RANBP17: variants seen among roughly 807,000 people sequenced by gnomAD.
RANBP17 encodes the protein RAN binding protein 17, also known as ran-binding protein 17.
Under a neutral mutation model 141.2 loss-of-function variants are expected in RANBP17, and 158 were observed. That is an observed-to-expected ratio of 1.12 (90% CI 0.98 to 1.28). The LOEUF (loss-of-function observed/expected upper bound fraction) is 1.28. Among genes scored for constraint, RANBP17 ranks in the 50% most tolerant of loss-of-function variants. The pLI, the probability that RANBP17 is intolerant of heterozygous loss-of-function variation, is 0.00. For synonymous variants in RANBP17, 430 were observed against 450.0 expected (o/e 0.96, Z 0.56); for missense variants, 1,438 against 1,290.7 (o/e 1.11, Z -1.75).
chr5:171,249,320 A>G (rs1325275286), intron 24 of RANBP17, among the ~76,000 whole-genome samples: 2 of 152,216 alleles, frequency 1.3e-5, no homozygotes, highest in Non-Finnish European at 1.5e-5. Context: ...AGAAAAAGTG[A>G]CTGTTAAACT....
chr5:171,241,190 C>T, intron 23 of RANBP17, 48 bp downstream of exon 23: 15 of 1,377,386 alleles, frequency 1.1e-5, no homozygotes, highest in Non-Finnish European at 1.5e-5. Context: ...TGTGAAGTAA[C>T]ACCACCACAG....
intron 14 of RANBP17, among the ~76,000 whole-genome samples, chr5:171,095,187 A>G (rs991690899): frequency 3.3e-5 from 5 of 152,304 alleles, no homozygotes; most frequent in African/African-American, 1.2e-4. Flanking sequence ...ACTTGTGATG[A>G]TTTGATTTAA....
At chr5:170,899,620 G>C (rs1770449577) in intron 5 of RANBP17, among the ~76,000 whole-genome samples, 1 of 152,164 alleles carries the variant, frequency 6.6e-6, no homozygotes. Flanking sequence ...AATGCTTCCA[G>C]CTTTTGCCCA....
At chr5:171,053,610 A>G (rs1000014554) in intron 14 of RANBP17, among the ~76,000 whole-genome samples, 1 of 151,978 alleles carries the variant, frequency 6.6e-6, no homozygotes, top group Admixed American at 6.6e-5. Flanking sequence ...TAGCTGTAGT[A>G]GATTTTTTGT....
intron 20 of RANBP17, 113 bp from the exon 21 acceptor site, chr5:171,213,518 A>G (rs1191421484): frequency 1.3e-6 from 1 of 744,066 alleles, no homozygotes; most frequent in Non-Finnish European, 2.3e-6. Flanking sequence ...ACAAATTAGT[A>G]TAAATATAGA....
intron 14 of RANBP17, among the ~76,000 whole-genome samples, chr5:170,983,560 A>C (rs562015785): frequency 2.6e-5 from 4 of 152,186 alleles, no homozygotes; most frequent in Admixed American, 2.6e-4. Context: ...CTGCCTGTTT[A>C]TTTAGAAGAA....
chr5:170,964,518 G>C (rs891870610), intron 13 of RANBP17, among the ~76,000 whole-genome samples: 6 of 151,720 alleles, frequency 4.0e-5, no homozygotes, highest in African/African-American at 1.5e-4. Context: ...TTTAGCATTA[G>C]GTGTATCTCC....
chr5:171,018,393 G>A (rs1780603179), intron 14 of RANBP17, among the ~76,000 whole-genome samples: 2 of 152,162 alleles, frequency 1.3e-5, no homozygotes, highest in Admixed American at 1.3e-4. Context: ...CCGTGAGGAT[G>A]GAATGTTTTT....
At chr5:171,284,171 C>T (rs997565647) in intron 25 of RANBP17, among the ~76,000 whole-genome samples, 3 of 152,140 alleles carry the variant, frequency 2.0e-5, no homozygotes, top group Admixed American at 6.5e-5. Flanking sequence ...TGCATATGCA[C>T]GCTGCTTAGG....
chr5:170,930,942 G>A (rs1042886770), intron 12 of RANBP17, among the ~76,000 whole-genome samples: 8 of 152,210 alleles, frequency 5.3e-5, no homozygotes, highest in Middle Eastern at 3.4e-3. Flanking sequence ...GGGATGACTG[G>A]GTCAAATGTT....
chr5:171,143,414 G>A (rs1219259081), intron 14 of RANBP17: 1 of 152,184 alleles, frequency 6.6e-6, no homozygotes, highest in Non-Finnish European at 1.5e-5. Context: ...GTGAAACAGA[G>A]CACTTTAAAG....
At chr5:170,963,582 G>A (rs1261529022) in intron 13 of RANBP17, among the ~76,000 whole-genome samples, 1 of 152,180 alleles carries the variant, frequency 6.6e-6, no homozygotes, top group Non-Finnish European at 1.5e-5. Context: ...TTCCACCTCA[G>A]ATCACCAGGC....
chr5:170,926,770 T>C (rs1387805915), intron 12 of RANBP17, among the ~76,000 whole-genome samples: 1 of 152,102 alleles, frequency 6.6e-6, no homozygotes, highest in East Asian at 1.9e-4. Flanking sequence ...CTCTAGCAAG[T>C]AGTTATTCTT....
intron 14 of RANBP17, among the ~76,000 whole-genome samples, chr5:171,132,372 T>C (rs1012351242): frequency 3.3e-5 from 5 of 150,618 alleles, no homozygotes; most frequent in Middle Eastern, 3.4e-3. Flanking sequence ...TTTCTGACTT[T>C]AGTTGTTTTT....
intron 18 of RANBP17, among the ~76,000 whole-genome samples, chr5:171,186,558 A>C (rs1397298576): frequency 6.6e-5 from 1 of 15,266 alleles, no homozygotes; most frequent in East Asian, 5.6e-3. Context: ...TTTTTTTGAG[A>C]CGGAGTCTCG....
intron 1 of RANBP17, among the ~76,000 whole-genome samples, chr5:170,871,410 A>C (rs1767716758): frequency 6.6e-6 from 1 of 152,104 alleles, no homozygotes; most frequent in Non-Finnish European, 1.5e-5. Context: ...GGTTCTATGT[A>C]AATTCTGGAT....
chr5:171,205,946 G>A lies in RANBP17; in HGVS notation c.2231+334G>A, dbSNP rs531075080. 1.3e-5 allele frequency: 5 copies of A among 389,576 alleles called. No homozygotes were observed. In the East Asian group the frequency reaches 3.1e-4, roughly 24 times the overall value. 24.1% of individuals were successfully genotyped at this position (389,576 alleles called of 1,614,324 possible). On this transcript the variant is annotated intron_variant, in intron 20 of 27. Coordinates refer to ENST00000523189, the MANE Select transcript of RANBP17 (RefSeq NM_022897.5). ...AATCCTACCATTTGACATTTTTGAG[G>A]GGAGATTTGAATCTCCATCTCAATT...
chr5:170,904,180 CCAG>C, intron 5 of RANBP17: 1 of 313,466 alleles, frequency 3.2e-6, no homozygotes, highest in East Asian at 7.8e-5. Flanking sequence ...GAAGGCTAGA[CCAG>C]CCTGTCCCTC....
At chr5:170,916,709 C>T in intron 9 of RANBP17, 125 bp downstream of exon 9, 1 of 497,646 alleles carries the variant, frequency 2.0e-6, no homozygotes, top group Non-Finnish European at 3.2e-6. Context: ...TATATATCTT[C>T]CTTAGAGCTT....
Sources: gnomAD v4.1 joint callset for allele counts (sites outside exome capture counted in the v4.1 genomes callset) on GRCh38, gnomAD v4.1.1 for gene constraint, MANE v1.5 for transcripts, NCBI Gene and HGNC (gene_info 2026-07-23, HGNC 2026-07-21) for gene names.